KDM3B: variants seen among roughly 807,000 people sequenced by gnomAD.
KDM3B encodes the protein lysine-specific demethylase 3B.
In KDM3B, 10 loss-of-function variants were observed where a neutral mutation model predicts 170.0. The observed-to-expected ratio is 0.06, with a 90% CI of 0.04 to 0.10. KDM3B has a LOEUF of 0.10. Ranked by LOEUF, KDM3B falls within the 10% of genes least tolerant of loss-of-function variation. KDM3B has a pLI of 1.00. For synonymous variants in KDM3B, 831 were observed against 834.8 expected (o/e 1.00, Z 0.08); for missense variants, 1,394 against 2,195.2 (o/e 0.64, Z 7.29).
intron 13 of KDM3B, among the ~76,000 whole-genome samples, chr5:138,418,392 C>T (rs1763162901): frequency 6.6e-6 from 1 of 152,070 alleles, no homozygotes; most frequent in Non-Finnish European, 1.5e-5. Flanking sequence ...GTTTTCTCTT[C>T]AGACACGCAC....
intron 14 of KDM3B, among the ~76,000 whole-genome samples, chr5:138,419,959 C>G (rs537981978): frequency 6.6e-6 from 1 of 152,010 alleles, no homozygotes; most frequent in African/African-American, 2.4e-5. Context: ...GATCTTGGCT[C>G]ACTGCAACCT....
intron 2 of KDM3B, 37 bp downstream of exon 2, chr5:138,372,878 T>C (rs749584887): frequency 6.4e-7 from 1 of 1,570,128 alleles, no homozygotes; most frequent in Non-Finnish European, 8.7e-7. Flanking sequence ...ATGTCTGAGC[T>C]TTACTCCTAT....
intron 1 of KDM3B, among the ~76,000 whole-genome samples, chr5:138,356,580 G>T (rs952530566): frequency 1.2e-4 from 18 of 150,776 alleles, no homozygotes; most frequent in Non-Finnish European, 2.2e-4. Context: ...TCTGTGCATG[G>T]ATATTAACTC....
At position 138,369,567 on chromosome 5, in the gene KDM3B, G is replaced by A. The variant is rs897294761; in HGVS notation, c.193-3107G>A. On this transcript the variant is annotated intron_variant, in intron 1 of 23. Coordinates refer to ENST00000314358, the MANE Select transcript of KDM3B (RefSeq NM_016604.4). ...TGAAGCCCCAATCTTTTATCCAAGT[G>A]TTCAAGATCTTCCACATCTACTCCT... 3.9e-5 allele frequency among the ~76,000 whole-genome samples: 6 copies of A among 152,158 alleles called. No homozygotes were observed. The East Asian group carries it at 5.8e-4, about 15-fold the overall frequency.
intron 23 of KDM3B, among the ~76,000 whole-genome samples, chr5:138,433,503 G>A (rs1360216909): frequency 2.6e-5 from 4 of 151,714 alleles, no homozygotes; most frequent in African/African-American, 7.3e-5. Flanking sequence ...CGTCTCCTGG[G>A]TTTAAGTGAT....
At chr5:138,373,660 T>A (rs1253211213) in intron 2 of KDM3B, among the ~76,000 whole-genome samples, 1 of 151,962 alleles carries the variant, frequency 6.6e-6, no homozygotes, top group African/African-American at 2.4e-5. Flanking sequence ...ATTTTTGTAT[T>A]TTTTTGTAGG....
chr5:138,353,718 T>G (rs1343707493), intron 1 of KDM3B, among the ~76,000 whole-genome samples: 1 of 152,154 alleles, frequency 6.6e-6, no homozygotes, highest in Non-Finnish European at 1.5e-5. Context: ...TCCCCCAACC[T>G]TGGGAGAGGT....
At chr5:138,401,825 C>T (rs938301113) in intron 11 of KDM3B, among the ~76,000 whole-genome samples, 1 of 152,082 alleles carries the variant, frequency 6.6e-6, no homozygotes, top group Non-Finnish European at 1.5e-5. Context: ...GTGGCTGTGA[C>T]GTAGTATCTG....
chr5:138,384,198 A>T (rs1329710040), intron 6 of KDM3B, among the ~76,000 whole-genome samples: 1 of 151,020 alleles, frequency 6.6e-6, no homozygotes, highest in African/African-American at 2.4e-5. Context: ...GTGAGCCGAG[A>T]TCGTGCCACT....
intron 22 of KDM3B, among the ~76,000 whole-genome samples, chr5:138,430,988 C>T (rs1763517693): frequency 6.6e-6 from 1 of 152,210 alleles, no homozygotes; most frequent in South Asian, 2.1e-4. Context: ...TCCCCTTATC[C>T]TACCTTCCCA....
At chr5:138,401,486 T>G (rs1346170342) in intron 11 of KDM3B, among the ~76,000 whole-genome samples, 2 of 152,222 alleles carry the variant, frequency 1.3e-5, no homozygotes, top group African/African-American at 4.8e-5. Context: ...TAATACTCCT[T>G]TTTTGGATAT....
chr5:138,429,774 A>C, intron 20 of KDM3B, 52 bp from the exon 21 acceptor site: 1 of 1,580,618 alleles, frequency 6.3e-7, no homozygotes, highest in Non-Finnish European at 8.7e-7. Context: ...CATTTCACTC[A>C]GTGGTACTGA....
intron 1 of KDM3B, among the ~76,000 whole-genome samples, chr5:138,364,836 A>G (rs1263984497): frequency 2.0e-5 from 3 of 152,248 alleles, no homozygotes; most frequent in Non-Finnish European, 2.9e-5. Context: ...CATATCTATC[A>G]TTCTGCAACC....
At chr5:138,427,442 T>A in intron 19 of KDM3B, 123 bp downstream of exon 19, 2 of 1,112,104 alleles carry the variant, frequency 1.8e-6, no homozygotes, top group Non-Finnish European at 2.6e-6. Flanking sequence ...GAGAAGTGAA[T>A]AGTATCCAAG....
At position 138,428,586 on chromosome 5, in the gene KDM3B, G is replaced by A. The variant is rs112712857; in HGVS notation, c.4753+500G>A. On this transcript the variant is annotated intron_variant, in intron 20 of 23. Transcript: ENST00000314358. ...TCTGATGGGAAGTGGGTGCCCAGTG[G>A]ATGTTGCTAGATAAAGGGGGAGGTT... 1.0e-3 allele frequency among the ~76,000 whole-genome samples: 155 copies of A among 152,254 alleles called. 4 individuals are homozygous for A. The highest frequency in any genetic ancestry group is 3.5e-3 in the African/African-American group (146 of 41,552).
chr5:138,403,863 T>TATAC (rs148940472), intron 11 of KDM3B, among the ~76,000 whole-genome samples: 37,572 of 148,078 alleles, frequency 0.25, 5,889 homozygotes, highest in South Asian at 0.4. Context: ...ATGTAGCTAC[T>TATAC]ATACATCTTA....
intron 1 of KDM3B, among the ~76,000 whole-genome samples, chr5:138,368,641 G>C (rs991876185): frequency 6.6e-6 from 1 of 152,030 alleles, no homozygotes; most frequent in Non-Finnish European, 1.5e-5. Flanking sequence ...ACTCTTGGGG[G>C]AATATGTTTA....
intron 7 of KDM3B, among the ~76,000 whole-genome samples, 157 bp downstream of exon 7, chr5:138,386,778 AAATGTGTATAGTTT>A (rs976405958): frequency 6.6e-6 from 1 of 152,238 alleles, no homozygotes; most frequent in African/African-American, 2.4e-5. Context: ...CTCACTGGGC[AAATGTGTATAGTTT>A]AATAACTTTA....
In KDM3B at chr5:138,392,204, G is replaced by A. The variant is rs989105895; in HGVS notation, c.2572G>A (p.Gly858Ser). ...NGERSAELLL[G>S]KSKGKQAPKG... The stretch of plus-strand genomic sequence containing the variant: ...GGAGCGCAGTGCTGAGCTGTTGCTG[G>A]GCAAAAGCAAAGGGAAGCAGGCCCC... Residue 858 changes from glycine to serine, a missense_variant, in exon 8 of 24, where the codon GGC (glycine) becomes AGC (serine). Physicochemically the swap from Gly to Ser is moderately conservative, Grantham distance 56. Around this residue, in one of 19 missense-constraint regions of KDM3B, gnomAD observed 84 missense variants for 135.8 expected, o/e 0.62. Coordinates refer to ENST00000314358, the MANE Select transcript of KDM3B (RefSeq NM_016604.4). The A allele has an allele frequency of 3.0e-5, 46 of 1,511,252 alleles. No homozygotes were observed. The highest frequency in any genetic ancestry group is 4.0e-5 in the Non-Finnish European group (45 of 1,128,022). 93.6% of individuals were successfully genotyped at this position (1,511,252 alleles called of 1,614,324 possible).
Sources: allele counts gnomAD v4.1 joint callset (sites outside exome capture counted in the v4.1 genomes callset), GRCh38; gene constraint gnomAD v4.1.1; regional missense constraint gnomAD v4.1.1; transcripts MANE v1.5; gene names NCBI Gene and HGNC (gene_info 2026-07-23, HGNC 2026-07-21).